The following DNAH2 variants were observed in gnomAD, a reference collection of about 807,000 sequenced individuals.
DNAH2 encodes dynein axonemal heavy chain 2, also known as axonemal beta dynein heavy chain 2.
A neutral mutation model predicts 523.5 loss-of-function variants in DNAH2; 323 were observed. The ratio of observed to expected loss-of-function variants is 0.62; its 90% CI spans 0.56 to 0.68. The LOEUF is 0.68. Ranked by LOEUF, DNAH2 falls within the 30% of genes least tolerant of loss-of-function variation. The probability of loss-of-function intolerance (pLI) is 0.00; values close to 1 mark genes in which losing one functional copy is unlikely to be tolerated. For missense variants in DNAH2, 4,907 were observed against 5,701.5 expected (o/e 0.86, Z 4.49); for synonymous variants, 2,093 against 2,177.4 (o/e 0.96, Z 1.08).
At chr17:7,770,703 A>G in intron 26 of DNAH2, 50 bp from the exon 27 acceptor site, 1 of 1,613,738 alleles carries the variant, frequency 6.2e-7, no homozygotes, top group Non-Finnish European at 8.5e-7. Context: ...GAGTGGGACC[A>G]AGGTTGGGCA....
chr17:7,723,734 TG>T (rs1567598888), intron 3 of DNAH2, 45 bp downstream of exon 3: 1 of 1,552,734 alleles, frequency 6.4e-7, no homozygotes, highest in Non-Finnish European at 8.9e-7. Flanking sequence ...CCCCCAAAAC[TG>T]GTGAATCAAA....
In DNAH2 at chr17:7,769,254, C is replaced by T. The variant is rs147327158; in HGVS notation, c.3941+987C>T. On this transcript the variant is annotated intron_variant, in intron 24 of 85. Coordinates refer to ENST00000572933, the MANE Select transcript of DNAH2 (RefSeq NM_020877.5). Reference sequence around the variant, plus strand: ...TCGGCTCACTGTAACCTTCACCTCGCGGGTTCAAGCAATTCTTGTGCCTCA... The same window carrying T: ...TCGGCTCACTGTAACCTTCACCTCGTGGGTTCAAGCAATTCTTGTGCCTCA... Among the ~76,000 whole-genome samples, 421 of 152,238 alleles carry T rather than the reference C, an allele frequency of 2.8e-3. 2 individuals are homozygous for T. Among genetic ancestry groups the T allele is most frequent in the African/African-American group, 9.7e-3 (403 of 41,524 alleles).
At chr17:7,804,574 A>G in intron 59 of DNAH2, 108 bp downstream of exon 59, 2 of 1,282,816 alleles carry the variant, frequency 1.6e-6, no homozygotes, top group Non-Finnish European at 2.2e-6. Context: ...GACTGGGTGC[A>G]GTGGCTCACG....
intron 57 of DNAH2, 55 bp downstream of exon 57, chr17:7,801,765 T>A (rs2077229750): frequency 6.2e-7 from 1 of 1,607,814 alleles, no homozygotes; most frequent in South Asian, 1.1e-5. Flanking sequence ...CTCCCCCGCC[T>A]CTCATCTCTC....
Position 7,717,879 on chromosome 17 carries a change from G to A in DNAH2, c.-935G>A. 6.5e-6 allele frequency: 1 copy of A among 152,850 alleles called. No homozygotes were observed. The highest frequency in any genetic ancestry group is 1.5e-5 in the Non-Finnish European group (1 of 68,292). 9.5% of individuals were successfully genotyped at this position (152,850 alleles called of 1,614,324 possible). On this transcript the variant is annotated 5_prime_UTR_variant, in exon 1 of 86. Coordinates refer to ENST00000572933, the MANE Select transcript of DNAH2 (RefSeq NM_020877.5). Reference sequence around the variant, plus strand: ...AGGAGGGAAGGAGTGCTGGGGAGAAGGGGCAGTAGTGTCGGGGTAGGAAGG... The same window carrying A: ...AGGAGGGAAGGAGTGCTGGGGAGAAAGGGCAGTAGTGTCGGGGTAGGAAGG...
Position 7,777,372 on chromosome 17 carries a change from G to T in DNAH2, c.5059-74G>T. On this transcript the variant is annotated intron_variant, in intron 32 of 85. Coordinates refer to ENST00000572933, the MANE Select transcript of DNAH2 (RefSeq NM_020877.5). ...CAGCACCGGGTTGGAAGCGGTGCTG[G>T]GTAGGGGCAAGGGTTGATCAGGCTT... is the stretch of plus-strand genomic sequence containing the variant. 1.9e-6 allele frequency: 3 copies of T among 1,551,424 alleles called. No individual in the cohort carries two copies. The South Asian group carries it at 3.5e-5, about 18-fold the overall frequency.
At chr17:7,817,210 G>A in intron 64 of DNAH2, 80 bp from the exon 65 acceptor site, 2 of 1,527,316 alleles carry the variant, frequency 1.3e-6, no homozygotes, top group Non-Finnish European at 1.7e-6. Flanking sequence ...GTGTCCAGAA[G>A]AGGGTGCCTT....
Position 7,832,982 on chromosome 17 carries a change from T to C in DNAH2, c.12978+54T>C. On this transcript the variant is annotated intron_variant, in intron 84 of 85. Transcript: ENST00000572933. This position sits in a 1 kb window ranked among gnomAD's most constrained non-coding sequence, Gnocchi z 4.3. ...AGCAAAAGAGGGTACTGGAAATAAT[T>C]GGACGAAAAGGGAGGAGAGAGGGAG... The C allele has an allele frequency of 2.5e-6, 4 of 1,613,812 alleles. No homozygotes were observed. Among genetic ancestry groups the C allele is most frequent in the Non-Finnish European group, 3.4e-6 (4 of 1,179,876 alleles).
chr17:7,765,615 C>T, intron 21 of DNAH2, 50 bp downstream of exon 21: 1 of 1,568,250 alleles, frequency 6.4e-7, no homozygotes, highest in Non-Finnish European at 8.7e-7. Flanking sequence ...TTTAGAGACC[C>T]CGCCTTCCAA....
chr17:7,734,064 A>G (rs934794506), intron 5 of DNAH2, 119 bp from the exon 6 acceptor site: 2 of 810,836 alleles, frequency 2.5e-6, no homozygotes, highest in East Asian at 2.7e-5. Context: ...CATTTCTTCT[A>G]CCTGCTCTCC....
chr17:7,764,068 G>A, intron 19 of DNAH2, 37 bp downstream of exon 19: 10 of 1,614,186 alleles, frequency 6.2e-6, no homozygotes, highest in Admixed American at 1.7e-5. Context: ...GGGGGCAGGG[G>A]CAGGCACTGG....
intron 33 of DNAH2, 23 bp from the exon 34 acceptor site, chr17:7,778,054 T>G (rs1270010516): frequency 3.7e-6 from 6 of 1,601,182 alleles, no homozygotes; most frequent in Non-Finnish European, 5.1e-6. Flanking sequence ...CACCTCTCTC[T>G]TTTTCTGCGC....
chr17:7,818,533 A>G, intron 69 of DNAH2, 73 bp downstream of exon 69: 1 of 1,603,548 alleles, frequency 6.2e-7, no homozygotes, highest in Non-Finnish European at 8.5e-7. Flanking sequence ...GAAAAGGGAT[A>G]AGCTTGTGTT....
chr17:7,818,594 G>A, intron 69 of DNAH2, 49 bp from the exon 70 acceptor site: 15 of 1,608,832 alleles, frequency 9.3e-6, no homozygotes, highest in Non-Finnish European at 1.3e-5. Context: ...TGAGGAAGGT[G>A]AAGGTCGAAG....
chr17:7,764,274 G>A lies in DNAH2; in HGVS notation c.3336+1G>A. 6.3e-7 allele frequency: 1 copy of A among 1,596,496 alleles called. No homozygotes were observed. Among genetic ancestry groups the A allele is most frequent in the Non-Finnish European group, 8.5e-7 (1 of 1,170,820 alleles). ...GTACGAGGTGCCAGTCGAGGACAGT[G>A]TGAGTTCCTTTGGTGTTTGGTTTAC... On this transcript the variant is annotated splice_donor_variant, in intron 20 of 85. Coordinates refer to ENST00000572933, the MANE Select transcript of DNAH2 (RefSeq NM_020877.5). LOFTEE classifies it high-confidence loss of function.
chr17:7,761,086 T>C (rs1466242899), intron 18 of DNAH2, among the ~76,000 whole-genome samples, 154 bp downstream of exon 18: 1 of 152,076 alleles, frequency 6.6e-6, no homozygotes, highest in Non-Finnish European at 1.5e-5. Context: ...CATTGGACCT[T>C]TGCTTCTCAA....
At chr17:7,774,207 T>C (rs936510587) in intron 28 of DNAH2, among the ~76,000 whole-genome samples, 9 of 152,196 alleles carry the variant, frequency 5.9e-5, no homozygotes, top group African/African-American at 2.2e-4. Context: ...TAGGGTCACT[T>C]GAACACAGGC....
In DNAH2 at chr17:7,788,124, C is replaced by T. The variant is rs1473151639; in HGVS notation, c.6780C>T (p.Leu2260=). The change falls in exon 44 of 86, where the codon CTC becomes CTT. Residue 2260 remains leucine, a synonymous_variant. Coordinates refer to ENST00000572933, the MANE Select transcript of DNAH2 (RefSeq NM_020877.5). ...VEPLQRMFEK[L]INKMLAFKKD... is the part of the protein sequence containing the mutation. The stretch of plus-strand genomic sequence containing the variant: ...CCCTTCAACGCATGTTCGAAAAGCT[C>T]ATCAACAAGATGCTGGCCTTTAAGA... The T allele has an allele frequency of 2.5e-6, 4 of 1,614,118 alleles. No individual in the cohort carries two copies. The Admixed American group carries it at 5.0e-5, about 20-fold the overall frequency.
At chr17:7,747,068 C>T (rs1482350894) in intron 12 of DNAH2, among the ~76,000 whole-genome samples, 2 of 150,430 alleles carry the variant, frequency 1.3e-5, no homozygotes, top group African/African-American at 4.9e-5. Flanking sequence ...CTAGAGGTAA[C>T]CATGATTATC....
Sources: allele counts gnomAD v4.1 joint callset (sites outside exome capture counted in the v4.1 genomes callset), GRCh38; gene constraint gnomAD v4.1.1; non-coding constraint Gnocchi (gnomAD v3.1); transcripts MANE v1.5; gene names NCBI Gene and HGNC (gene_info 2026-07-23, HGNC 2026-07-21).